Variants in RAD51B observed in about 807,000 individuals in gnomAD.
RAD51B encodes the protein DNA repair protein RAD51 homolog 2.
In RAD51B, 38 loss-of-function variants were observed where a neutral mutation model predicts 42.2. The ratio of observed to expected loss-of-function variants is 0.90; its 90% confidence interval spans 0.70 to 1.18. The LOEUF is 1.18. Ranked by LOEUF, RAD51B falls within the 50% of genes most tolerant of loss-of-function variation. The pLI, the probability that RAD51B is intolerant of heterozygous loss-of-function variation, is 0.00. For synonymous variants in RAD51B, 154 were observed against 145.2 expected, an observed-to-expected ratio of 1.06 and a Z score of -0.43; for missense variants, 373 against 400.7, an observed-to-expected ratio of 0.93 and a Z score of 0.59.
chr14:68,518,638 G>A (rs1468577912), intron 10 of RAD51B, among the ~76,000 whole-genome samples: 6 of 150,510 alleles, frequency 4.0e-5, no homozygotes, highest in African/African-American at 1.5e-4. Flanking sequence ...AGGTCAGCAG[G>A]ATCAGGTTAA....
At chr14:68,652,717 A>C (rs1380309981) in intron 11 of RAD51B, among the ~76,000 whole-genome samples, 1 of 152,252 alleles carries the variant, frequency 6.6e-6, no homozygotes, top group Non-Finnish European at 1.5e-5. Context: ...TCTTGAAGTT[A>C]AATGATATCA....
chr14:68,157,397 T>C (rs2078536075), intron 7 of RAD51B, among the ~76,000 whole-genome samples: 1 of 152,190 alleles, frequency 6.6e-6, no homozygotes, highest in Non-Finnish European at 1.5e-5. Flanking sequence ...AAGCATGTTA[T>C]ATGAAAGGGA....
chr14:68,568,858 G>A (rs866944155), intron 10 of RAD51B, among the ~76,000 whole-genome samples: 1 of 152,118 alleles, frequency 6.6e-6, no homozygotes, highest in Non-Finnish European at 1.5e-5. Flanking sequence ...GATGCAAGAA[G>A]TCTGGTTAAT....
Position 68,265,876 on chromosome 14 carries a change from G to T in RAD51B, c.757-26008G>T, listed in dbSNP as rs146155693. On this transcript the variant is annotated intron_variant, in intron 7 of 10. Coordinates refer to ENST00000471583, the MANE Select transcript of RAD51B (RefSeq NM_133510.4). The stretch of plus-strand genomic sequence containing the variant: ...AACAATTCACTCTAGTAGATGGTTG[G>T]CATTTTGAGAGAGATATAAATATAA... Among the ~76,000 whole-genome samples the T allele has an allele frequency of 2.7e-3, 404 of 152,318 alleles. 2 individuals are homozygous for T. Among genetic ancestry groups the T allele is most frequent in the African/African-American group, 9.3e-3 (388 of 41,570 alleles).
At chr14:67,914,768 GT>G (rs1371637483) in intron 7 of RAD51B, among the ~76,000 whole-genome samples, 1 of 152,086 alleles carries the variant, frequency 6.6e-6, no homozygotes, top group Non-Finnish European at 1.5e-5. Flanking sequence ...TAATGATCTT[GT>G]TGGTTTCATG....
Position 68,420,449 on chromosome 14 carries a change from A to G in RAD51B, c.957+8922A>G, listed in dbSNP as rs1027266862. ...TATTTTTATGGGTTTTTTTTTTATT[A>G]TATGCTAAACAAGAAGTGGATTATT... On this transcript the variant is annotated intron_variant, in intron 9 of 10. Transcript: ENST00000471583. Among the ~76,000 whole-genome samples the G allele has an allele frequency of 5.9e-5, 9 of 152,046 alleles. No individual in the cohort carries two copies. In the East Asian group the frequency reaches 1.5e-3, roughly 26 times the overall value.
intron 8 of RAD51B, among the ~76,000 whole-genome samples, chr14:68,293,174 C>G (rs1304985453): frequency 6.6e-6 from 1 of 152,170 alleles, no homozygotes; most frequent in Non-Finnish European, 1.5e-5. Flanking sequence ...CCCGTCTGGC[C>G]TTGTTCTGCT....
intron 7 of RAD51B, among the ~76,000 whole-genome samples, chr14:67,893,264 A>G (rs1401440617): frequency 1.3e-4 from 19 of 151,790 alleles, no homozygotes; most frequent in Non-Finnish European, 2.9e-5. Flanking sequence ...GCATTTGGGA[A>G]CTCTACCCTT....
At chr14:68,218,611 A>G (rs1326036350) in intron 7 of RAD51B, among the ~76,000 whole-genome samples, 1 of 152,224 alleles carries the variant, frequency 6.6e-6, no homozygotes, top group Non-Finnish European at 1.5e-5. Flanking sequence ...AGAAACTTCA[A>G]ATGCATAATT....
At chr14:68,425,975 T>TCTTTCTTTCTTTCTTCCTTCCTTC (rs1555407995) in intron 9 of RAD51B, among the ~76,000 whole-genome samples, 122 of 85,936 alleles carry the variant, frequency 1.4e-3, no homozygotes, top group Non-Finnish European at 2.4e-3. Context: ...TTTCTTTCTT[T>TCTTTCTTTCTTTCTTCCTTCCTTC]CTTCCTTCCT....
chr14:68,513,255 A>G (rs930085720), intron 10 of RAD51B, among the ~76,000 whole-genome samples: 39 of 152,226 alleles, frequency 2.6e-4, no homozygotes, highest in Non-Finnish European at 3.5e-4. Flanking sequence ...ACACATGGCA[A>G]TGGTAGCTGC....
At chr14:68,501,659 G>C (rs1286463265) in intron 10 of RAD51B, among the ~76,000 whole-genome samples, 1 of 152,244 alleles carries the variant, frequency 6.6e-6, no homozygotes, top group Non-Finnish European at 1.5e-5. Context: ...AACTAAGGCT[G>C]TAAGGCCACA....
chr14:67,844,337 G>C (rs1294369951), intron 4 of RAD51B, among the ~76,000 whole-genome samples: 1 of 151,622 alleles, frequency 6.6e-6, no homozygotes, highest in African/African-American at 2.4e-5. Context: ...GCTGTTTTTG[G>C]GTGGGGAGTT....
intron 7 of RAD51B, among the ~76,000 whole-genome samples, chr14:68,131,645 G>T (rs1257277611): frequency 6.6e-6 from 1 of 152,148 alleles, no homozygotes; most frequent in East Asian, 1.9e-4. Context: ...GCAGTGAGCC[G>T]AGATCATGCC....
intron 7 of RAD51B, among the ~76,000 whole-genome samples, chr14:68,216,628 A>C (rs1004639049): frequency 6.6e-6 from 1 of 152,208 alleles, no homozygotes; most frequent in Admixed American, 6.5e-5. Flanking sequence ...TCTAAGTTCT[A>C]TTATCCCAGT....
At chr14:68,632,387 A>C (rs888370679) in intron 10 of RAD51B, among the ~76,000 whole-genome samples, 1 of 152,336 alleles carries the variant, frequency 6.6e-6, no homozygotes, top group Middle Eastern at 3.4e-3. Flanking sequence ...CCAAGTGAGC[A>C]CAGGAGCCGC....
chr14:67,821,629 T>A (rs528960366), intron 1 of RAD51B, among the ~76,000 whole-genome samples: 1 of 152,136 alleles, frequency 6.6e-6, no homozygotes, highest in East Asian at 1.9e-4. Flanking sequence ...CCCAGCTAAT[T>A]TTTGTATTTT....
chr14:67,905,728 G>A (rs1401093136), intron 7 of RAD51B, among the ~76,000 whole-genome samples: 1 of 152,040 alleles, frequency 6.6e-6, no homozygotes, highest in Non-Finnish European at 1.5e-5. Context: ...TGTTGTTGGT[G>A]TATAGAAATG....
intron 7 of RAD51B, among the ~76,000 whole-genome samples, chr14:68,073,869 T>A (rs2076792095): frequency 1.3e-5 from 2 of 152,210 alleles, no homozygotes; most frequent in Non-Finnish European, 2.9e-5. Context: ...TCTTCTGGCT[T>A]GTAGGGTTTC....
Sources: allele counts gnomAD v4.1 joint callset (sites outside exome capture counted in the v4.1 genomes callset), GRCh38; gene constraint gnomAD v4.1.1; transcripts MANE v1.5; gene names NCBI Gene and HGNC (gene_info 2026-07-23, HGNC 2026-07-21).